RALYL: variants seen among roughly 807,000 people sequenced by gnomAD.
The protein encoded by RALYL is RALY RNA binding protein like.
In RALYL, 29 loss-of-function variants were observed where a neutral mutation model predicts 35.1. That is an observed-to-expected ratio of 0.83 (90% CI 0.61 to 1.13). The LOEUF (loss-of-function observed/expected upper bound fraction) is 1.13, where lower values mean the gene tolerates loss of function less well. Ranked by LOEUF, RALYL falls within the 50% of genes most tolerant of loss-of-function variation. The pLI is 0.00. For missense variants in RALYL, 359 were observed against 360.4 expected (o/e 1.00, Z 0.03); for synonymous variants, 120 against 127.6 (o/e 0.94, Z 0.40).
At chr8:84,868,581 T>C (rs1839610984) in intron 6 of RALYL, among the ~76,000 whole-genome samples, 2 of 152,216 alleles carry the variant, frequency 1.3e-5, no homozygotes, top group African/African-American at 4.8e-5. Flanking sequence ...CTGATTTGCA[T>C]ATTGGGAATA....
At chr8:84,526,276 T>A (rs1371308623) in intron 1 of RALYL, among the ~76,000 whole-genome samples, 1 of 152,064 alleles carries the variant, frequency 6.6e-6, no homozygotes, top group African/African-American at 2.4e-5. Flanking sequence ...TTTAAAGAAG[T>A]GTTATACTTT....
intron 1 of RALYL, among the ~76,000 whole-genome samples, chr8:84,266,850 C>T (rs1833410075): frequency 1.3e-5 from 2 of 151,410 alleles, no homozygotes; most frequent in South Asian, 2.1e-4. Flanking sequence ...GTCCCAGCTA[C>T]TCGGGAGGCT....
chr8:84,612,575 T>A (rs1380832842), intron 2 of RALYL, among the ~76,000 whole-genome samples: 4 of 151,872 alleles, frequency 2.6e-5, no homozygotes, highest in Non-Finnish European at 5.9e-5. Flanking sequence ...GTGCAAGGAC[T>A]TTAAAAATAA....
intron 2 of RALYL, among the ~76,000 whole-genome samples, chr8:84,590,116 T>A (rs972763231): frequency 6.6e-6 from 1 of 152,176 alleles, no homozygotes; most frequent in African/African-American, 2.4e-5. Flanking sequence ...AGATCATCAA[T>A]TTATCATACT....
chr8:84,636,646 T>C (rs573314282), intron 2 of RALYL, among the ~76,000 whole-genome samples: 1 of 151,948 alleles, frequency 6.6e-6, no homozygotes, highest in African/African-American at 2.4e-5. Context: ...CTCTGCTTTT[T>C]TCCACCTACA....
chr8:84,660,772 A>C lies in RALYL; in HGVS notation c.257-113807A>C, dbSNP rs546551786. On this transcript the variant is annotated intron_variant, in intron 2 of 8. Transcript: ENST00000521268. Reference sequence around the variant, plus strand: ...TGTAAATGTAGAATTCACTGAAGTTATATTGAGACTATTGAGACTTCATAT... The same window carrying C: ...TGTAAATGTAGAATTCACTGAAGTTCTATTGAGACTATTGAGACTTCATAT... Among the ~76,000 whole-genome samples the C allele has an allele frequency of 9.9e-5, 15 of 152,230 alleles. 1 individual carries two copies. In the South Asian group the frequency reaches 2.3e-3, roughly 23 times the overall value.
At chr8:84,411,251 G>A (rs2044069765) in intron 1 of RALYL, among the ~76,000 whole-genome samples, 1 of 151,748 alleles carries the variant, frequency 6.6e-6, no homozygotes, top group East Asian at 1.9e-4. Context: ...GAACATCACT[G>A]GACAAAATAA....
At chr8:84,722,645 A>ATATATATATATATG (rs1336047176) in intron 2 of RALYL, among the ~76,000 whole-genome samples, 14 of 138,782 alleles carry the variant, frequency 1.0e-4, no homozygotes, top group African/African-American at 3.0e-4. Context: ...ATATATATAT[A>ATATATATATATATG]TATGTATGTA....
intron 1 of RALYL, among the ~76,000 whole-genome samples, chr8:84,208,956 C>T (rs889358019): frequency 6.6e-6 from 1 of 151,818 alleles, no homozygotes; most frequent in Non-Finnish European, 1.5e-5. Flanking sequence ...AGCTGGAAGA[C>T]TGTATTGGCT....
At chr8:84,767,763 A>G (rs1349611806) in intron 2 of RALYL, among the ~76,000 whole-genome samples, 1 of 152,236 alleles carries the variant, frequency 6.6e-6, no homozygotes, top group Non-Finnish European at 1.5e-5. Context: ...TATCAAAAGA[A>G]TTCATTTAAA....
At chr8:84,404,591 T>G (rs978050218) in intron 1 of RALYL, among the ~76,000 whole-genome samples, 1 of 151,584 alleles carries the variant, frequency 6.6e-6, no homozygotes, top group Non-Finnish European at 1.5e-5. Context: ...TATTGAGGAA[T>G]TTTTCCATCG....
chr8:84,633,263 A>G (rs886380378), intron 2 of RALYL, among the ~76,000 whole-genome samples: 6 of 151,848 alleles, frequency 4.0e-5, no homozygotes, highest in Non-Finnish European at 4.4e-5. Context: ...TTATAGCTAG[A>G]TGAGATTACA....
intron 2 of RALYL, among the ~76,000 whole-genome samples, chr8:84,589,162 C>T (rs995250084): frequency 6.6e-6 from 1 of 152,014 alleles, no homozygotes; most frequent in South Asian, 2.1e-4. Context: ...CCTCCCAAAG[C>T]GCCGGGATTA....
intron 8 of RALYL, among the ~76,000 whole-genome samples, chr8:84,888,116 C>T (rs1168488436): frequency 1.3e-5 from 2 of 152,202 alleles, no homozygotes. Flanking sequence ...ATATAATATC[C>T]TGGTAACAAA....
At chr8:84,237,525 A>T (rs183896725) in intron 1 of RALYL, among the ~76,000 whole-genome samples, 15,217 of 152,062 alleles carry the variant, frequency 0.1, 1,055 homozygotes, top group African/African-American at 0.2. Context: ...TCTGGAAATA[A>T]TTTTTTTAAA....
intron 2 of RALYL, among the ~76,000 whole-genome samples, chr8:84,675,671 G>A (rs1356698453): frequency 1.3e-5 from 2 of 151,992 alleles, no homozygotes; most frequent in South Asian, 2.1e-4. Flanking sequence ...ATTCCTCACT[G>A]TTTTATGTGT....
At chr8:84,730,738 C>T (rs932838283) in intron 2 of RALYL, among the ~76,000 whole-genome samples, 7 of 152,032 alleles carry the variant, frequency 4.6e-5, no homozygotes, top group Non-Finnish European at 7.4e-5. Flanking sequence ...TAACAAAACT[C>T]GTAATTTGGG....
chr8:84,647,061 T>G (rs1038241689), intron 2 of RALYL, among the ~76,000 whole-genome samples: 3 of 152,100 alleles, frequency 2.0e-5, no homozygotes, highest in African/African-American at 7.2e-5. Context: ...TTTGTTCCCC[T>G]TGTTGGTTTT....
At chr8:84,542,402 ATAT>A (rs1242061275) in intron 2 of RALYL, among the ~76,000 whole-genome samples, 5 of 152,136 alleles carry the variant, frequency 3.3e-5, no homozygotes, top group African/African-American at 1.2e-4. Flanking sequence ...AATAACCACA[ATAT>A]TATTATCTGA....
Sources: allele counts gnomAD v4.1 joint callset (sites outside exome capture counted in the v4.1 genomes callset), GRCh38; gene constraint gnomAD v4.1.1; transcripts MANE v1.5; gene names NCBI Gene and HGNC (gene_info 2026-07-23, HGNC 2026-07-21).